The following DGLUCY variants were observed in gnomAD, a reference collection of about 807,000 sequenced individuals.
The protein encoded by DGLUCY is D-glutamate cyclase, also known as D-glutamate cyclase, mitochondrial.
A neutral mutation model predicts 58.5 loss-of-function variants in DGLUCY; 58 were observed. The ratio of observed to expected loss-of-function variants is 0.99; its 90% CI spans 0.80 to 1.23. DGLUCY has a LOEUF of 1.23. Ranked by LOEUF, DGLUCY falls within the 50% of genes most tolerant of loss-of-function variation. The probability of loss-of-function intolerance (pLI) is 0.00; values close to 1 mark genes in which losing one functional copy is unlikely to be tolerated. For missense variants in DGLUCY, 779 were observed against 784.7 expected, an observed-to-expected ratio of 0.99 and a Z score of 0.09; for synonymous variants, 325 against 314.1, an observed-to-expected ratio of 1.03 and a Z score of -0.37.
At chr14:91,147,608 A>G (rs117921798) in intron 1 of DGLUCY, among the ~76,000 whole-genome samples, 2 of 152,314 alleles carry the variant, frequency 1.3e-5, no homozygotes, top group Non-Finnish European at 2.9e-5. Flanking sequence ...GACCAATTTC[A>G]TGTCTTCTGA....
intron 1 of DGLUCY, among the ~76,000 whole-genome samples, chr14:91,093,912 C>T (rs2044352245): frequency 6.6e-6 from 1 of 151,816 alleles, no homozygotes; most frequent in Non-Finnish European, 1.5e-5. Context: ...CAGGTGACGC[C>T]ATAGAGGGAG....
At chr14:91,174,934 G>T (rs2048774265) in intron 6 of DGLUCY, among the ~76,000 whole-genome samples, 1 of 152,162 alleles carries the variant, frequency 6.6e-6, no homozygotes, top group Non-Finnish European at 1.5e-5. Flanking sequence ...AGTCTTCTGT[G>T]TGGATGACTG....
intron 1 of DGLUCY, among the ~76,000 whole-genome samples, chr14:91,155,516 C>T (rs1018607056): frequency 1.3e-5 from 2 of 152,188 alleles, no homozygotes; most frequent in Non-Finnish European, 2.9e-5. Context: ...GATGGCCAGG[C>T]GTGGTGGCTT....
At chr14:91,139,986 G>T (rs2046559704) in intron 1 of DGLUCY, among the ~76,000 whole-genome samples, 1 of 141,886 alleles carries the variant, frequency 7.0e-6, no homozygotes, top group Non-Finnish European at 1.6e-5. Context: ...TAGGGGAATA[G>T]TAAGTCAGCA....
chr14:91,191,103 T>C (rs2140513349), intron 9 of DGLUCY, among the ~76,000 whole-genome samples: 1 of 152,318 alleles, frequency 6.6e-6, no homozygotes, highest in East Asian at 1.9e-4. Flanking sequence ...GGCTGATGGC[T>C]TCAGGGCACC....
At chr14:91,156,078 G>C (rs1402942765) in intron 1 of DGLUCY, among the ~76,000 whole-genome samples, 1 of 151,940 alleles carries the variant, frequency 6.6e-6, no homozygotes, top group Non-Finnish European at 1.5e-5. Context: ...GCATCATTGG[G>C]AGATTATTTC....
At chr14:91,099,972 T>A (rs1207998919) in intron 1 of DGLUCY, among the ~76,000 whole-genome samples, 1 of 149,258 alleles carries the variant, frequency 6.7e-6, no homozygotes, top group Non-Finnish European at 1.5e-5. Flanking sequence ...GAGAATTGCT[T>A]GAACCCGGGA....
intron 1 of DGLUCY, among the ~76,000 whole-genome samples, chr14:91,099,201 A>G (rs2044443519): frequency 6.6e-6 from 1 of 152,204 alleles, no homozygotes; most frequent in South Asian, 2.1e-4. Flanking sequence ...AGGAGGTCAC[A>G]TGGTGTGGGG....
chr14:91,107,527 T>A (rs1023033362), upstream of DGLUCY, among the ~76,000 whole-genome samples: 4 of 151,636 alleles, frequency 2.6e-5, no homozygotes, highest in South Asian at 4.2e-4. Context: ...CAAAAAAAAA[T>A]AAAAAAATAA....
At chr14:91,182,114 A>G (rs2049217130) in intron 8 of DGLUCY, among the ~76,000 whole-genome samples, 1 of 151,574 alleles carries the variant, frequency 6.6e-6, no homozygotes, top group South Asian at 2.1e-4. Flanking sequence ...CTGAGTAGCT[A>G]GGACTATAGG....
At chr14:91,163,346 A>C (rs2048099012) in intron 3 of DGLUCY, among the ~76,000 whole-genome samples, 3 of 152,158 alleles carry the variant, frequency 2.0e-5, no homozygotes, top group Admixed American at 2.0e-4. Context: ...GAGGCCTCTA[A>C]GCCAGCCAAA....
chr14:91,141,925 A>G (rs550608022), intron 1 of DGLUCY, among the ~76,000 whole-genome samples: 2 of 150,766 alleles, frequency 1.3e-5, no homozygotes, highest in South Asian at 4.2e-4. Context: ...GGCCCACTGC[A>G]ACCTCTGCCT....
intron 12 of DGLUCY, among the ~76,000 whole-genome samples, chr14:91,211,473 G>T (rs1004528499): frequency 8.5e-5 from 13 of 152,190 alleles, no homozygotes; most frequent in African/African-American, 3.1e-4. Flanking sequence ...ATTGGTGAAA[G>T]AACAGATAAA....
At chr14:91,076,438 A>G (rs1019919878) in intron 1 of DGLUCY, among the ~76,000 whole-genome samples, 2 of 152,018 alleles carry the variant, frequency 1.3e-5, no homozygotes, top group Non-Finnish European at 2.9e-5. Context: ...TTTTATTTGT[A>G]TTTTTTATTG....
intron 1 of DGLUCY, among the ~76,000 whole-genome samples, chr14:91,135,042 CCT>C (rs2046248120): frequency 6.6e-6 from 1 of 151,910 alleles, no homozygotes; most frequent in African/African-American, 2.4e-5. Context: ...CTCCCACTAG[CCT>C]CCCGAAGTAG....
At chr14:91,140,824 A>G (rs1381741589) in intron 1 of DGLUCY, among the ~76,000 whole-genome samples, 1 of 152,226 alleles carries the variant, frequency 6.6e-6, no homozygotes, top group African/African-American at 2.4e-5. Flanking sequence ...AAGTGCCCAC[A>G]ACACCTAGGG....
At chr14:91,093,635 T>C (rs2044348278) in intron 1 of DGLUCY, among the ~76,000 whole-genome samples, 1 of 151,896 alleles carries the variant, frequency 6.6e-6, no homozygotes. Context: ...CAAAACCCTA[T>C]CTCTACTAAA....
intron 10 of DGLUCY, among the ~76,000 whole-genome samples, chr14:91,198,912 A>G (rs1417347236): frequency 6.6e-6 from 1 of 152,202 alleles, no homozygotes; most frequent in Admixed American, 6.5e-5. Context: ...ATCAGAACCC[A>G]GATGATCTGC....
chr14:91,179,484 G>T (rs1455239252), intron 7 of DGLUCY, among the ~76,000 whole-genome samples: 1 of 151,972 alleles, frequency 6.6e-6, no homozygotes, highest in African/African-American at 2.4e-5. Context: ...GGGTGCGGTG[G>T]CTCACGCCTG....
Sources: allele counts gnomAD v4.1 joint callset (sites outside exome capture counted in the v4.1 genomes callset), GRCh38; gene constraint gnomAD v4.1.1; transcripts MANE v1.5; gene names NCBI Gene and HGNC (gene_info 2026-07-23, HGNC 2026-07-21).